Variants in TMEM44 observed in about 807,000 individuals in gnomAD.
TMEM44 encodes the protein transmembrane protein 44.
TMEM44 carries 43 observed loss-of-function variants against 47.8 expected under a neutral mutation model. The ratio of observed to expected loss-of-function variants is 0.90; its 90% CI spans 0.70 to 1.16. The LOEUF (loss-of-function observed/expected upper bound fraction) is 1.16, where lower values mean the gene tolerates loss of function less well. TMEM44 is among the 50% of genes most tolerant of loss of function. The pLI is 0.00. For missense variants in TMEM44, 568 were observed against 555.2 expected, an observed-to-expected ratio of 1.02 and a Z score of -0.23; for synonymous variants, 277 against 238.8, an observed-to-expected ratio of 1.16 and a Z score of -1.48.
At position 194,588,330 on chromosome 3, in the gene TMEM44, T is replaced by C; in HGVS notation, c.*199A>G. ...AGAACGAATGCTGGGCCTATCCAGG[T>C]CTGTCCGCAGTACCCAAAGTCGTAG... is the stretch of plus-strand genomic sequence containing the variant. On this transcript the variant is annotated 3_prime_UTR_variant, in exon 10 of 10. Coordinates refer to ENST00000347147, the MANE Select transcript of TMEM44 (RefSeq NM_001011655.3). 1 of 574,642 alleles carries C rather than the reference T, an allele frequency of 1.7e-6. No homozygotes were observed. Among genetic ancestry groups the C allele is most frequent in the Non-Finnish European group, 3.1e-6 (1 of 323,628 alleles). 35.6% of individuals were successfully genotyped at this position (574,642 alleles called of 1,614,324 possible). A position where few individuals can be genotyped will look rare whatever the true frequency, so the allele number is the denominator to read the frequency against.
intron 8 of TMEM44, among the ~76,000 whole-genome samples, chr3:194,605,871 G>A (rs768292617): frequency 5.9e-5 from 9 of 152,140 alleles, no homozygotes; most frequent in African/African-American, 1.7e-4. Flanking sequence ...ATGAGTACTC[G>A]ACCCAAATCC....
chr3:194,623,447 C>CCA, intron 4 of TMEM44, 82 bp downstream of exon 4: 2 of 1,514,016 alleles, frequency 1.3e-6, no homozygotes, highest in Non-Finnish European at 1.8e-6. Flanking sequence ...ACCCCACTCC[C>CCA]CTAGCCCCGG....
At chr3:194,625,009 G>T (rs2108599546) in intron 3 of TMEM44, among the ~76,000 whole-genome samples, 1 of 152,200 alleles carries the variant, frequency 6.6e-6, no homozygotes, top group Non-Finnish European at 1.5e-5. Context: ...GGGCCACCAT[G>T]CCCGGCCCCC....
Position 194,620,849 on chromosome 3 carries a change from C to A in TMEM44, c.612+2375G>T, listed in dbSNP as rs562589105. Among the ~76,000 whole-genome samples, 9 of 151,798 alleles carry A rather than the reference C, an allele frequency of 5.9e-5. No individual in the cohort carries two copies. The South Asian group carries it at 1.9e-3, about 32-fold the overall frequency. On this transcript the variant is annotated intron_variant, in intron 5 of 9. Coordinates refer to ENST00000347147, the MANE Select transcript of TMEM44 (RefSeq NM_001011655.3). ...CGAGACCAGCCTGGCCAACATGGTG[C>A]ACTCTCGTCTCTACTAAAAATACAA...
intron 9 of TMEM44, among the ~76,000 whole-genome samples, chr3:194,603,113 A>G (rs1000843067): frequency 6.6e-6 from 1 of 152,142 alleles, no homozygotes; most frequent in Non-Finnish European, 1.5e-5. Flanking sequence ...TCATTTTTCC[A>G]CAGACAGATG....
intron 8 of TMEM44, among the ~76,000 whole-genome samples, chr3:194,610,271 C>T (rs1054388617): frequency 2.6e-5 from 4 of 151,936 alleles, no homozygotes; most frequent in Admixed American, 2.6e-4. Context: ...CCGACCCCTG[C>T]CTCCTCCAGC....
intron 5 of TMEM44, chr3:194,622,565 T>TTTG (rs947850333): frequency 6.6e-6 from 1 of 151,550 alleles, no homozygotes; most frequent in Non-Finnish European, 1.5e-5. Flanking sequence ...TTTTTTTTTT[T>TTTG]TTAGACGGAG....
chr3:194,618,380 A>G (rs1000447779), intron 5 of TMEM44, among the ~76,000 whole-genome samples: 3 of 151,404 alleles, frequency 2.0e-5, no homozygotes, highest in Admixed American at 6.6e-5. Flanking sequence ...CAAACACCAT[A>G]TATTTCTGAT....
At chr3:194,633,043 C>CCCGCCCGACAGCCGCCCGACAG (rs11273892) in intron 1 of TMEM44, 36 bp downstream of exon 1, 27 of 1,536,268 alleles carry the variant, frequency 1.8e-5, no homozygotes, top group African/African-American at 5.5e-5. Context: ...CGCCCGTTTC[C>CCCGCCCGACAGCCGCCCGACAG]CCGCCCGACA....
intron 2 of TMEM44, among the ~76,000 whole-genome samples, chr3:194,626,745 G>A (rs1272152263): frequency 3.4e-5 from 5 of 146,338 alleles, no homozygotes; most frequent in East Asian, 2.0e-4. Context: ...GTGCAGTGGC[G>A]TGATCTCGGC....
intron 2 of TMEM44, among the ~76,000 whole-genome samples, chr3:194,626,707 G>A (rs1316732282): frequency 2.1e-5 from 3 of 141,674 alleles, no homozygotes; most frequent in African/African-American, 8.0e-5. Flanking sequence ...TTTTTGAGAC[G>A]GAGTCTCGCT....
At chr3:194,612,155 G>A (rs1253206914) in intron 7 of TMEM44, among the ~76,000 whole-genome samples, 2 of 152,158 alleles carry the variant, frequency 1.3e-5, no homozygotes, top group Non-Finnish European at 2.9e-5. Context: ...AGGTAATCCT[G>A]GTCTAGGGCC....
chr3:194,610,599 T>G (rs1337000146), intron 8 of TMEM44, among the ~76,000 whole-genome samples: 2 of 152,186 alleles, frequency 1.3e-5, no homozygotes, highest in Admixed American at 6.5e-5. Context: ...AAACCTCTTT[T>G]TCTTGATTTA....
At chr3:194,615,878 G>A (rs568544473) in intron 6 of TMEM44, among the ~76,000 whole-genome samples, 181 bp from the exon 7 acceptor site, 20 of 152,142 alleles carry the variant, frequency 1.3e-4, no homozygotes, top group African/African-American at 4.8e-4. Flanking sequence ...GGATGTTCCT[G>A]TCCTCACGAG....
In TMEM44 at chr3:194,623,311, C is replaced by G. The variant is rs752641450; in HGVS notation, c.526-1G>C. On this transcript the variant is annotated splice_acceptor_variant, in intron 4 of 9. Coordinates refer to ENST00000347147, the MANE Select transcript of TMEM44 (RefSeq NM_001011655.3). LOFTEE classifies it high-confidence loss of function. ...GGTAGCCGAGGATCTCAGTATTTTC[C>G]TGCAAGAACGAACAGGTGATCCACC... The G allele has an allele frequency of 3.1e-6, 5 of 1,603,442 alleles. No homozygotes were observed. Among genetic ancestry groups the G allele is most frequent in the Non-Finnish European group, 4.3e-6 (5 of 1,174,714 alleles).
In TMEM44 at chr3:194,619,189, A is replaced by G. The variant is rs78982872; in HGVS notation, c.613-1920T>C. Among the ~76,000 whole-genome samples the G allele has an allele frequency of 2.3e-4, 35 of 152,320 alleles. No homozygotes were observed. The East Asian group carries it at 6.7e-3, about 29-fold the overall frequency. ...GGGGAAGCCCTCTGTCCTCGCTCAC[A>G]TGCTAACCCAGTGACAGCGCCCACT... is the stretch of plus-strand genomic sequence containing the variant. On this transcript the variant is annotated intron_variant, in intron 5 of 9. Transcript: ENST00000347147.
intron 9 of TMEM44, among the ~76,000 whole-genome samples, chr3:194,597,934 C>G (rs1284006114): frequency 6.6e-6 from 1 of 152,218 alleles, no homozygotes; most frequent in Non-Finnish European, 1.5e-5. Flanking sequence ...ATGTAGACCC[C>G]AGGCACGGGA....
At position 194,617,620 on chromosome 3, in the gene TMEM44, G is replaced by A. The variant is rs149906788; in HGVS notation, c.613-351C>T. The A allele has an allele frequency of 1.5e-3, 1,078 of 702,936 alleles. 11 individuals carry two copies. In the African/African-American group the frequency reaches 0.016, roughly 11 times the overall value. 43.5% of individuals were successfully genotyped at this position (702,936 alleles called of 1,614,324 possible). A position where few individuals can be genotyped will look rare whatever the true frequency, so the allele number is the denominator to read the frequency against. ...CACAGTCAGAGAGCTCCTGAGGGCTGGGCAGGGGTCCTCACCATCTCAGTG... is the reference window on the plus strand; with the variant it reads ...CACAGTCAGAGAGCTCCTGAGGGCTAGGCAGGGGTCCTCACCATCTCAGTG... On this transcript the variant is annotated intron_variant, in intron 5 of 9. Transcript: ENST00000347147.
chr3:194,606,274 C>CAGGGGGCTTG (rs1213898233), intron 8 of TMEM44, among the ~76,000 whole-genome samples: 1 of 152,194 alleles, frequency 6.6e-6, no homozygotes, highest in East Asian at 1.9e-4. Context: ...GAAAATCGCT[C>CAGGGGGCTTG]CTTAGGACCA....
Sources: gnomAD v4.1 joint callset for allele counts (sites outside exome capture counted in the v4.1 genomes callset) on GRCh38, gnomAD v4.1.1 for gene constraint, MANE v1.5 for transcripts, NCBI Gene and HGNC (gene_info 2026-07-23, HGNC 2026-07-21) for gene names.